Variants in TMEM87B observed in about 807,000 individuals in gnomAD.
TMEM87B encodes the protein transmembrane protein 87B.
Under a neutral mutation model 80.3 loss-of-function variants are expected in TMEM87B, and 83 were observed. The ratio of observed to expected loss-of-function variants is 1.03; its 90% CI spans 0.87 to 1.24. TMEM87B has a LOEUF of 1.24. Ranked by LOEUF, TMEM87B falls within the 50% of genes most tolerant of loss-of-function variation. TMEM87B has a pLI of 0.00. For missense variants in TMEM87B, 625 were observed against 674.4 expected (o/e 0.93, Z 0.81); for synonymous variants, 219 against 230.5 (o/e 0.95, Z 0.45).
rs184209752 is a variant in TMEM87B at position 112,071,793 on chromosome 2, G to A, written c.451-3119G>A. On this transcript the variant is annotated intron_variant, in intron 4 of 18. Coordinates refer to ENST00000283206, the MANE Select transcript of TMEM87B (RefSeq NM_032824.3). ...CTTTATTTCTTTCTCTTACTTGATT[G>A]CTCTGGCCAGGACTTCCAATACCAT... Among the ~76,000 whole-genome samples, 43 of 152,198 alleles carry A rather than the reference G, an allele frequency of 2.8e-4. 1 individual carries two copies. Among genetic ancestry groups the A allele is most frequent in the African/African-American group, 9.9e-4 (41 of 41,526 alleles).
At chr2:112,091,470 T>C (rs923171914) in intron 10 of TMEM87B, among the ~76,000 whole-genome samples, 1 of 152,206 alleles carries the variant, frequency 6.6e-6, no homozygotes, top group Admixed American at 6.5e-5. Flanking sequence ...GACACGATGC[T>C]TTTTATTTGC....
chr2:112,075,557 G>A (rs1215211963), intron 5 of TMEM87B, among the ~76,000 whole-genome samples: 1 of 152,102 alleles, frequency 6.6e-6, no homozygotes, highest in Non-Finnish European at 1.5e-5. Context: ...AGACAGCATA[G>A]CAATGGGCTG....
At position 112,096,819 on chromosome 2, in the gene TMEM87B, G is replaced by A. The variant is rs190263055; in HGVS notation, c.1105-225G>A. Reference sequence around the variant, plus strand: ...GGGTCTTCCGTGTTTTTTCCTTGGAGTTTGTTTTCTTAGTTCAGACAATGG... The same window carrying A: ...GGGTCTTCCGTGTTTTTTCCTTGGAATTTGTTTTCTTAGTTCAGACAATGG... On this transcript the variant is annotated intron_variant, in intron 11 of 18. Coordinates refer to ENST00000283206, the MANE Select transcript of TMEM87B (RefSeq NM_032824.3). Among the ~76,000 whole-genome samples the A allele has an allele frequency of 1.2e-3, 186 of 152,310 alleles. 3 individuals carry two copies. The highest frequency in any genetic ancestry group is 3.8e-3 in the African/African-American group (160 of 41,566).
At chr2:112,115,699 T>C (rs1407272433) in intron 18 of TMEM87B, among the ~76,000 whole-genome samples, 2 of 152,248 alleles carry the variant, frequency 1.3e-5, no homozygotes, top group Non-Finnish European at 2.9e-5. Flanking sequence ...GATTCTGAAC[T>C]TGACATGTTT....
rs182113683 is a variant in TMEM87B, at chr2:112,095,830, A to T, written c.1105-1214A>T. The stretch of plus-strand genomic sequence containing the variant: ...ATTTTTAGTGTTTGGTTCATAAACA[A>T]AGCTTGTTGGTCTGCTCCAGAGGAA... On this transcript the variant is annotated intron_variant, in intron 11 of 18. Transcript: ENST00000283206. 5.9e-5 allele frequency among the ~76,000 whole-genome samples: 9 copies of T among 152,336 alleles called. No homozygotes were observed. In the East Asian group the frequency reaches 1.5e-3, roughly 26 times the overall value.
Position 112,081,536 on chromosome 2 carries a change from C to T in TMEM87B, c.838+18C>T. On this transcript the variant is annotated intron_variant, in intron 8 of 18. Coordinates refer to ENST00000283206, the MANE Select transcript of TMEM87B (RefSeq NM_032824.3). The stretch of plus-strand genomic sequence containing the variant: ...ACTGTCAAGTAAGTTTTGACTGTCT[C>T]TGTAAATATAGTATGATCTAAGAGT... 1 of 1,590,672 alleles carries T rather than the reference C, an allele frequency of 6.3e-7. No individual in the cohort carries two copies. The highest frequency in any genetic ancestry group is 1.4e-5 in the African/African-American group (1 of 74,010).
intron 17 of TMEM87B, among the ~76,000 whole-genome samples, chr2:112,108,512 C>A (rs1453474184): frequency 6.6e-6 from 1 of 152,126 alleles, no homozygotes; most frequent in Non-Finnish European, 1.5e-5. Context: ...GTCTTTGTTT[C>A]ACCTTTATTG....
intron 2 of TMEM87B, among the ~76,000 whole-genome samples, chr2:112,060,247 G>A (rs899412034): frequency 6.6e-6 from 1 of 152,024 alleles, no homozygotes; most frequent in African/African-American, 2.4e-5. Flanking sequence ...TACTTGGGAG[G>A]CTGAGGCAGG....
intron 4 of TMEM87B, among the ~76,000 whole-genome samples, chr2:112,067,328 C>T: frequency 6.6e-6 from 1 of 152,204 alleles, no homozygotes. Flanking sequence ...AGATACGTGG[C>T]TGGGCGCGGT....
chr2:112,075,503 C>T (rs541314226), intron 5 of TMEM87B, among the ~76,000 whole-genome samples: 1 of 152,292 alleles, frequency 6.6e-6, no homozygotes, highest in Non-Finnish European at 1.5e-5. Flanking sequence ...TTCTATGCAG[C>T]CTTTCTTTTC....
chr2:112,056,218 C>A (rs1678053898), intron 1 of TMEM87B, among the ~76,000 whole-genome samples: 1 of 151,602 alleles, frequency 6.6e-6, no homozygotes, highest in Admixed American at 6.6e-5. Flanking sequence ...GCGGGTCTGC[C>A]GCTTCCTTAA....
intron 2 of TMEM87B, among the ~76,000 whole-genome samples, chr2:112,061,962 A>G (rs1678271993): frequency 6.6e-6 from 1 of 152,208 alleles, no homozygotes. Context: ...GTCTGGTGCC[A>G]TGCTCACCAA....
In TMEM87B at chr2:112,067,052, G is replaced by GT. The variant is rs1678457362; in HGVS notation, c.438dup (p.Pro147SerfsTer5). On this transcript the variant is annotated frameshift_variant, in exon 4 of 19. Transcript: ENST00000283206. LOFTEE classifies it high-confidence loss of function. ...TAGATTGCAACAGTGATTCACAGGTGTTTCCCTCTTTGAATGTGAGTATCT... is the reference window on the plus strand; with the variant it reads ...TAGATTGCAACAGTGATTCACAGGTGTTTTCCCTCTTTGAATGTGAGTATCT... The GT allele has an allele frequency of 6.2e-7, 1 of 1,610,254 alleles. No individual in the cohort carries two copies. Among genetic ancestry groups the GT allele is most frequent in the Non-Finnish European group, 8.5e-7 (1 of 1,178,996 alleles).
intron 2 of TMEM87B, among the ~76,000 whole-genome samples, chr2:112,060,280 C>G (rs1573677044): frequency 6.6e-6 from 1 of 151,900 alleles, no homozygotes; most frequent in East Asian, 2.0e-4. Flanking sequence ...ACCCGGGAGG[C>G]AGAGCTTGCA....
rs1320671013 is a variant in TMEM87B at position 112,091,793 on chromosome 2, A to G, written c.1104+10A>G. The G allele has an allele frequency of 5.0e-6, 8 of 1,585,496 alleles. No homozygotes were observed. The highest frequency in any genetic ancestry group is 6.9e-6 in the Non-Finnish European group (8 of 1,159,098). ...CATTTTTGTGTGGTTCATATCCTTTACTGTGTCCTTCAAAATAGTTTGTTG... is the reference window on the plus strand; with the variant it reads ...CATTTTTGTGTGGTTCATATCCTTTGCTGTGTCCTTCAAAATAGTTTGTTG... On this transcript the variant is annotated intron_variant, in intron 11 of 18. Transcript: ENST00000283206.
At chr2:112,071,598 C>T (rs72611911) in intron 4 of TMEM87B, among the ~76,000 whole-genome samples, 21,943 of 152,144 alleles carry the variant, frequency 0.14, 2,462 homozygotes, top group East Asian at 0.67. Flanking sequence ...TGAGCCACCA[C>T]GCCCAGCCGC....
At chr2:112,071,068 A>G (rs930192422) in intron 4 of TMEM87B, among the ~76,000 whole-genome samples, 15 of 149,826 alleles carry the variant, frequency 1.0e-4, no homozygotes, top group African/African-American at 3.2e-4. Context: ...TTCATGATCC[A>G]CCCGCCTCGG....
At chr2:112,099,545 T>A (rs1679569150) in intron 14 of TMEM87B, among the ~76,000 whole-genome samples, 1 of 114,346 alleles carries the variant, frequency 8.7e-6, no homozygotes, top group Non-Finnish European at 1.7e-5. Context: ...TATATATATA[T>A]ATATATATAT....
intron 1 of TMEM87B, among the ~76,000 whole-genome samples, chr2:112,056,999 CTG>C (rs1055601508): frequency 2.0e-5 from 3 of 152,206 alleles, no homozygotes; most frequent in Non-Finnish European, 4.4e-5. Flanking sequence ...TTGAACATAT[CTG>C]TATAGATCTT....
Sources: gnomAD v4.1 joint callset for allele counts (sites outside exome capture counted in the v4.1 genomes callset) on GRCh38, gnomAD v4.1.1 for gene constraint, MANE v1.5 for transcripts, NCBI Gene and HGNC (gene_info 2026-07-23, HGNC 2026-07-21) for gene names.